DNAH5: variants seen among roughly 807,000 people sequenced by gnomAD.
DNAH5 encodes the protein dynein axonemal heavy chain 5, also known as axonemal beta dynein heavy chain 5.
Under a neutral mutation model 518.2 loss-of-function variants are expected in DNAH5, and 372 were observed. That is an observed-to-expected ratio of 0.72 (90% CI 0.66 to 0.78). The LOEUF is 0.78. Ranked by LOEUF, DNAH5 falls within the 30% of genes least tolerant of loss-of-function variation. DNAH5 has a pLI of 0.00. For missense variants in DNAH5, 5,523 were observed against 5,687.0 expected, an observed-to-expected ratio of 0.97 and a Z score of 0.93; for synonymous variants, 2,039 against 2,025.9, an observed-to-expected ratio of 1.01 and a Z score of -0.17.
At chr5:13,795,893 A>C (rs1393169630) in intron 47 of DNAH5, among the ~76,000 whole-genome samples, 1 of 152,266 alleles carries the variant, frequency 6.6e-6, no homozygotes, top group Non-Finnish European at 1.5e-5. Context: ...AGGCTGGTTC[A>C]ACATATGCAA....
At chr5:13,710,080 G>T (rs981534685) in intron 75 of DNAH5, among the ~76,000 whole-genome samples, 1 of 151,978 alleles carries the variant, frequency 6.6e-6, no homozygotes, top group Non-Finnish European at 1.5e-5. Context: ...CGCCAACTCC[G>T]CCAGAACAAA....
chr5:13,763,004 G>T, intron 59 of DNAH5, 103 bp from the exon 60 acceptor site: 2 of 950,644 alleles, frequency 2.1e-6, no homozygotes, highest in Non-Finnish European at 3.3e-6. Context: ...GACCACAAAT[G>T]AATGAAGGGC....
At chr5:13,749,578 A>G (rs536872575) in intron 65 of DNAH5, among the ~76,000 whole-genome samples, 18 of 152,290 alleles carry the variant, frequency 1.2e-4, no homozygotes, top group African/African-American at 3.6e-4. Context: ...GTCAGATCAA[A>G]TTATTTGTTC....
At chr5:14,009,954 T>C (rs1485091023) in intron 1 of DNAH5, among the ~76,000 whole-genome samples, 2 of 152,222 alleles carry the variant, frequency 1.3e-5, no homozygotes, top group Non-Finnish European at 2.9e-5. Flanking sequence ...AATCTGTATA[T>C]TCATTATAGA....
chr5:13,776,902 C>A (rs1445795685), intron 54 of DNAH5, among the ~76,000 whole-genome samples, 196 bp from the exon 55 acceptor site: 1 of 152,244 alleles, frequency 6.6e-6, no homozygotes, highest in African/African-American at 2.4e-5. Flanking sequence ...AAAGTTGTAG[C>A]CCCGGAAAGG....
chr5:13,713,066 C>A (rs1248466535), intron 75 of DNAH5, among the ~76,000 whole-genome samples: 1 of 150,492 alleles, frequency 6.6e-6, no homozygotes, highest in African/African-American at 2.4e-5. Context: ...GGAACCAACC[C>A]ATCAATTAAC....
intron 35 of DNAH5, among the ~76,000 whole-genome samples, chr5:13,837,789 G>A (rs1051182861): frequency 6.7e-5 from 9 of 134,270 alleles, no homozygotes; most frequent in African/African-American, 1.9e-4. Flanking sequence ...TGCAACCTCC[G>A]CCTCGGGTTC....
At chr5:13,885,742 T>A (rs1474109863) in intron 18 of DNAH5, among the ~76,000 whole-genome samples, 1 of 152,156 alleles carries the variant, frequency 6.6e-6, no homozygotes, top group Non-Finnish European at 1.5e-5. Flanking sequence ...CCAGGGCCAA[T>A]GCAAAGTGCA....
chr5:13,876,068 T>A (rs755811360), intron 22 of DNAH5, among the ~76,000 whole-genome samples: 10 of 152,184 alleles, frequency 6.6e-5, no homozygotes, highest in Non-Finnish European at 1.0e-4. Context: ...AAATAAAAGA[T>A]GATTTCAGGG....
chr5:13,809,956 T>C (rs1760331160), intron 45 of DNAH5, 103 bp downstream of exon 45: 1 of 1,188,224 alleles, frequency 8.4e-7, no homozygotes, highest in Non-Finnish European at 1.2e-6. Flanking sequence ...TTACAGCCAA[T>C]AATTATAAAT....
chr5:13,906,121 G>A (rs1251086071), intron 12 of DNAH5, among the ~76,000 whole-genome samples: 1 of 152,158 alleles, frequency 6.6e-6, no homozygotes, highest in Admixed American at 6.5e-5. Flanking sequence ...AGGATGAATA[G>A]GTGGAGCACA....
In DNAH5 at chr5:13,989,374, T is replaced by C. The variant is rs529305012; in HGVS notation, c.12+22274A>G. 1.2e-3 allele frequency among the ~76,000 whole-genome samples: 177 copies of C among 151,694 alleles called. 1 individual carries two copies. Among genetic ancestry groups the C allele is most frequent in the African/African-American group, 3.9e-3 (163 of 41,368 alleles). ...ATTAAGTCGAAAGACATTTATGATA[T>C]GTTGTAAAATGAAAAAAAAAATCCG... On this transcript the variant is annotated intron_variant, in intron 1 of 78. Coordinates refer to the DNAH5 transcript ENST00000681290.
At chr5:13,695,733 G>A (rs564965994) in intron 78 of DNAH5, among the ~76,000 whole-genome samples, 1 of 152,220 alleles carries the variant, frequency 6.6e-6, no homozygotes, top group South Asian at 2.1e-4. Context: ...TATGTGCCTG[G>A]TATAGTATGA....
intron 59 of DNAH5, among the ~76,000 whole-genome samples, chr5:13,764,854 G>A (rs1752296920): frequency 6.6e-6 from 1 of 152,178 alleles, no homozygotes; most frequent in Admixed American, 6.5e-5. Context: ...ACTGGTGCTG[G>A]TTCAAACAGG....
chr5:13,839,219 A>T (rs1214611977), intron 35 of DNAH5, 137 bp downstream of exon 35: 2 of 752,842 alleles, frequency 2.7e-6, no homozygotes, highest in Non-Finnish European at 4.3e-6. Context: ...AAGAAAGCTG[A>T]TAATAAAGCT....
chr5:13,925,219 G>T (rs1164222960), intron 3 of DNAH5, among the ~76,000 whole-genome samples: 1 of 152,034 alleles, frequency 6.6e-6, no homozygotes, highest in Non-Finnish European at 1.5e-5. Flanking sequence ...AAGATGTTAG[G>T]CAACAAGTTT....
intron 1 of DNAH5, among the ~76,000 whole-genome samples, chr5:13,982,086 A>G (rs897083511): frequency 6.6e-6 from 1 of 152,264 alleles, no homozygotes; most frequent in Non-Finnish European, 1.5e-5. Flanking sequence ...TTCCCTCGTT[A>G]TGCTTCATAA....
chr5:13,730,452 T>C (rs543488920), intron 68 of DNAH5, among the ~76,000 whole-genome samples: 1 of 131,780 alleles, frequency 7.6e-6, no homozygotes, highest in Non-Finnish European at 1.7e-5. Context: ...TTCTTTCTTT[T>C]GAGATGGAGT....
intron 1 of DNAH5, among the ~76,000 whole-genome samples, chr5:13,960,684 G>C (rs982347834): frequency 1.3e-5 from 2 of 152,134 alleles, no homozygotes; most frequent in African/African-American, 4.8e-5. Context: ...CAGCATAGGG[G>C]AACCCCTGGC....
Sources: allele counts gnomAD v4.1 joint callset (sites outside exome capture counted in the v4.1 genomes callset), GRCh38; gene constraint gnomAD v4.1.1; transcripts MANE v1.5; gene names NCBI Gene and HGNC (gene_info 2026-07-23, HGNC 2026-07-21).